The following NEBL variants were observed in gnomAD, a reference collection of about 807,000 sequenced individuals.
NEBL encodes the protein LIM and SH3 protein 2.
NEBL carries 122 observed loss-of-function variants against 140.2 expected under a neutral mutation model. The observed-to-expected ratio is 0.87, with a 90% CI of 0.75 to 1.01. The LOEUF is 1.01. Ranked by LOEUF, NEBL falls within the 50% of genes least tolerant of loss-of-function variation. The pLI, the probability that NEBL is intolerant of heterozygous loss-of-function variation, is 0.00. For missense variants in NEBL, 1,365 were observed against 1,231.3 expected, an observed-to-expected ratio of 1.11 and a Z score of -1.62; for synonymous variants, 436 against 398.9, an observed-to-expected ratio of 1.09 and a Z score of -1.11.
chr10:20,822,531 ATAGG>A (rs1414405531), intron 19 of NEBL, among the ~76,000 whole-genome samples: 4 of 151,608 alleles, frequency 2.6e-5, no homozygotes, highest in East Asian at 1.9e-4. Flanking sequence ...GTCTATATAG[ATAGG>A]TAGTAGTCTA....
At chr10:20,877,323 C>T (rs73607538) in intron 5 of NEBL, among the ~76,000 whole-genome samples, 3,474 of 152,262 alleles carry the variant, frequency 0.023, 122 homozygotes, top group African/African-American at 0.079. Context: ...GGGTCATCCA[C>T]GCAACGTGTG....
chr10:20,868,675 G>GGAA lies in NEBL; in HGVS notation c.672_673insTTC (p.Lys224_Leu225insPhe), dbSNP rs770263720. The stretch of plus-strand genomic sequence containing the variant: ...CACTAAAGCCTTACTTGACTAGAAA[G>GGAA]TTTAGAAGCTTCCACGGCATGTTCA... On this transcript the variant is annotated inframe_insertion, in exon 7 of 28. Coordinates refer to ENST00000377122, the MANE Select transcript of NEBL (RefSeq NM_006393.3). 1 of 1,606,364 alleles carries GGAA rather than the reference G, an allele frequency of 6.2e-7. No homozygotes were observed. Among genetic ancestry groups the GGAA allele is most frequent in the Non-Finnish European group, 8.5e-7 (1 of 1,173,082 alleles).
chr10:21,213,073 T>C (rs567306274), intron 3 of NEBL, among the ~76,000 whole-genome samples: 1 of 152,218 alleles, frequency 6.6e-6, no homozygotes, highest in African/African-American at 2.4e-5. Flanking sequence ...GGTTGGAATT[T>C]AGCCATGTCT....
intron 1 of NEBL, among the ~76,000 whole-genome samples, chr10:21,273,590 C>A (rs1842884245): frequency 6.6e-6 from 1 of 152,170 alleles, no homozygotes; most frequent in Non-Finnish European, 1.5e-5. Context: ...ACCCTACAGC[C>A]TCTGCCAAGT....
intron 3 of NEBL, among the ~76,000 whole-genome samples, chr10:21,247,121 G>T (rs754981696): frequency 1.6e-4 from 25 of 152,076 alleles, no homozygotes; most frequent in Non-Finnish European, 3.1e-4. Flanking sequence ...CTCCATGATT[G>T]TAAGTTTCCT....
intron 2 of NEBL, among the ~76,000 whole-genome samples, chr10:21,154,483 C>T (rs1409350144): frequency 6.7e-6 from 1 of 149,770 alleles, no homozygotes; most frequent in Non-Finnish European, 1.5e-5. Context: ...AAGTGAGCCA[C>T]AATGTAAACA....
At chr10:21,229,544 C>G (rs925717965) in intron 3 of NEBL, among the ~76,000 whole-genome samples, 4 of 152,226 alleles carry the variant, frequency 2.6e-5, no homozygotes, top group Admixed American at 2.6e-4. Context: ...CATGTTATGT[C>G]TTACGACTGT....
chr10:21,167,785 T>C (rs760985328), intron 2 of NEBL, among the ~76,000 whole-genome samples: 29 of 152,226 alleles, frequency 1.9e-4, no homozygotes, highest in Non-Finnish European at 3.2e-4. Flanking sequence ...ATGTTTTTTG[T>C]CTAATCATCA....
intron 3 of NEBL, among the ~76,000 whole-genome samples, chr10:20,995,264 C>T (rs564635528): frequency 7.7e-4 from 118 of 152,278 alleles, no homozygotes; most frequent in African/African-American, 2.8e-3. Context: ...GCAGGGCAGA[C>T]ATCATAAAAA....
At chr10:20,870,342 A>AC (rs1844799924) in intron 5 of NEBL, among the ~76,000 whole-genome samples, 1 of 151,678 alleles carries the variant, frequency 6.6e-6, no homozygotes, top group South Asian at 2.1e-4. Context: ...AAAAAAAAAA[A>AC]AAACTTGAAC....
rs754218321 is a variant in NEBL at position 20,889,968 on chromosome 10, T to C, written c.154-19A>G. On this transcript the variant is annotated intron_variant, in intron 2 of 27. Transcript: ENST00000377122. ...AACGGATCTAAAAAAGAGAATGATT[T>C]ACATAAGAAGAGAAAAAGAAAAACA... 1.3e-6 allele frequency: 2 copies of C among 1,483,226 alleles called. No individual in the cohort carries two copies. The highest frequency in any genetic ancestry group is 1.9e-6 in the Non-Finnish European group (2 of 1,065,982). The allele number at this position is 1,483,226 out of a possible 1,614,324, so 91.9% of individuals were successfully genotyped here.
In NEBL at chr10:20,906,920, G is replaced by A. The variant is rs998030262; in HGVS notation, c.357+54752C>T. 3.3e-5 allele frequency among the ~76,000 whole-genome samples: 5 copies of A among 151,728 alleles called. No individual in the cohort carries two copies. In the East Asian group the frequency reaches 5.8e-4, roughly 18 times the overall value. On this transcript the variant is annotated intron_variant, in intron 4 of 6. Transcript: ENST00000417816. ...TCTATGATTATCTACTTCATACTAC[G>A]CACTACAATGAGACATGTTATATTT...
chr10:21,174,663 G>A (rs1589314989), upstream of NEBL: 1 of 152,248 alleles, frequency 6.6e-6, no homozygotes, highest in East Asian at 1.9e-4. Flanking sequence ...CAAGGGCCGG[G>A]AGATCCGCGG....
At chr10:21,034,574 T>C (rs1833940235) in intron 2 of NEBL, among the ~76,000 whole-genome samples, 1 of 152,226 alleles carries the variant, frequency 6.6e-6, no homozygotes, top group Admixed American at 6.5e-5. Flanking sequence ...CTAACTTGTA[T>C]GACTACAAAA....
chr10:20,939,600 T>C (rs1045341083), intron 4 of NEBL, among the ~76,000 whole-genome samples: 1 of 152,112 alleles, frequency 6.6e-6, no homozygotes, highest in Non-Finnish European at 1.5e-5. Context: ...ACCTTAAACG[T>C]AAATGGGCTA....
chr10:21,146,372 A>T, intron 2 of NEBL: 1 of 1,613,370 alleles, frequency 6.2e-7, no homozygotes, highest in Non-Finnish European at 8.5e-7. Context: ...CATTTCAGCC[A>T]CACAAGAAAA....
chr10:20,978,844 AGAG>A (rs1836913199), intron 3 of NEBL, among the ~76,000 whole-genome samples: 2 of 152,188 alleles, frequency 1.3e-5, no homozygotes, highest in Admixed American at 1.3e-4. Flanking sequence ...CTCGAGAGCA[AGAG>A]GAGTATGTCT....
chr10:21,091,090 T>C (rs1349640155), intron 2 of NEBL, among the ~76,000 whole-genome samples: 2 of 152,038 alleles, frequency 1.3e-5, no homozygotes, highest in Non-Finnish European at 2.9e-5. Context: ...GATTCGTCTG[T>C]GTATTTCCTT....
At chr10:21,201,442 A>T (rs1256201992) in intron 3 of NEBL, among the ~76,000 whole-genome samples, 1 of 152,230 alleles carries the variant, frequency 6.6e-6, no homozygotes, top group African/African-American at 2.4e-5. Context: ...TGATTAGCAC[A>T]TTTATATTCA....
Sources: allele counts gnomAD v4.1 joint callset (sites outside exome capture counted in the v4.1 genomes callset), GRCh38; gene constraint gnomAD v4.1.1; transcripts MANE v1.5; gene names NCBI Gene and HGNC (gene_info 2026-07-23, HGNC 2026-07-21).